Variants in ARFIP1 observed in about 807,000 individuals in gnomAD.
ARFIP1 encodes the protein arfaptin-1.
Under a neutral mutation model 42.5 loss-of-function variants are expected in ARFIP1, and 24 were observed. That is an observed-to-expected ratio of 0.57 (90% CI 0.41 to 0.80). The LOEUF (loss-of-function observed/expected upper bound fraction) is 0.80, where lower values mean the gene tolerates loss of function less well. ARFIP1 is among the 30% of genes least tolerant of loss of function. The pLI is 0.00. For synonymous variants in ARFIP1, 141 were observed against 153.7 expected, an observed-to-expected ratio of 0.92 and a Z score of 0.61; for missense variants, 354 against 434.0, an observed-to-expected ratio of 0.82 and a Z score of 1.64.
chr4:152,887,643 G>T (rs1736373899), intron 7 of ARFIP1, among the ~76,000 whole-genome samples: 1 of 151,976 alleles, frequency 6.6e-6, no homozygotes. Context: ...TTATTTCATT[G>T]TAACTACTAG....
At chr4:152,848,928 A>G (rs911399294) in intron 2 of ARFIP1, among the ~76,000 whole-genome samples, 1 of 152,202 alleles carries the variant, frequency 6.6e-6, no homozygotes, top group Non-Finnish European at 1.5e-5. Context: ...AGCTCGGTCA[A>G]TGGCAATAAT....
intron 2 of ARFIP1, among the ~76,000 whole-genome samples, chr4:152,837,848 G>A (rs1731777076): frequency 6.6e-6 from 1 of 152,128 alleles, no homozygotes; most frequent in African/African-American, 2.4e-5. Flanking sequence ...TGAAATCCTT[G>A]CCTAAGCCAG....
intron 2 of ARFIP1, among the ~76,000 whole-genome samples, chr4:152,854,252 A>G (rs1388741472): frequency 1.3e-5 from 2 of 152,084 alleles, no homozygotes; most frequent in African/African-American, 4.8e-5. Context: ...CTAGTCTATT[A>G]TTGAAGTTTT....
chr4:152,883,649 C>G (rs1444119639), intron 7 of ARFIP1, among the ~76,000 whole-genome samples: 1 of 150,950 alleles, frequency 6.6e-6, no homozygotes, highest in Non-Finnish European at 1.5e-5. Context: ...TACAGTTTCC[C>G]TGTCTCATAA....
intron 1 of ARFIP1, among the ~76,000 whole-genome samples, chr4:152,806,007 A>C (rs1023629115): frequency 5.9e-5 from 9 of 152,258 alleles, no homozygotes; most frequent in African/African-American, 2.2e-4. Flanking sequence ...AAAATAAGGA[A>C]ATATACATCA....
At chr4:152,794,562 C>G (rs1731323632) in intron 1 of ARFIP1, among the ~76,000 whole-genome samples, 1 of 152,092 alleles carries the variant, frequency 6.6e-6, no homozygotes, top group African/African-American at 2.4e-5. Flanking sequence ...CTATCTTTCC[C>G]TTTTTAGTTG....
At chr4:152,784,852 G>C (rs1730707377) in intron 1 of ARFIP1, among the ~76,000 whole-genome samples, 1 of 152,196 alleles carries the variant, frequency 6.6e-6, no homozygotes, top group Admixed American at 6.5e-5. Context: ...TTTTATTTTT[G>C]TATATCTGTG....
intron 1 of ARFIP1, among the ~76,000 whole-genome samples, chr4:152,825,913 A>G (rs1388761425): frequency 6.6e-6 from 1 of 152,224 alleles, no homozygotes. Context: ...AATGTTCAAC[A>G]TCACTAATCT....
At chr4:152,848,877 A>C (rs747439371) in intron 2 of ARFIP1, among the ~76,000 whole-genome samples, 1 of 152,208 alleles carries the variant, frequency 6.6e-6, no homozygotes, top group East Asian at 1.9e-4. Flanking sequence ...ATAGGAATGC[A>C]ATATAATGTT....
At chr4:152,888,071 C>A in intron 7 of ARFIP1, 62 bp from the exon 8 acceptor site, 1 of 1,373,280 alleles carries the variant, frequency 7.3e-7, no homozygotes. Context: ...GTATTTCCAA[C>A]CCATTTTTTG....
At chr4:152,865,464 G>A (rs80067979) in intron 3 of ARFIP1, among the ~76,000 whole-genome samples, 2,129 of 152,110 alleles carry the variant, frequency 0.014, 49 homozygotes, top group African/African-American at 0.048. Flanking sequence ...TTGTACAGTT[G>A]GCCAATACTT....
intron 2 of ARFIP1, among the ~76,000 whole-genome samples, chr4:152,834,459 A>G (rs957466670): frequency 6.6e-6 from 1 of 152,230 alleles, no homozygotes; most frequent in Non-Finnish European, 1.5e-5. Flanking sequence ...CCAAGATACA[A>G]TGGTAGTACC....
At chr4:152,799,705 A>G (rs994323213) in intron 1 of ARFIP1, among the ~76,000 whole-genome samples, 1 of 152,110 alleles carries the variant, frequency 6.6e-6, no homozygotes, top group South Asian at 2.1e-4. Flanking sequence ...CATGGATTTG[A>G]TTTTTTAAGA....
At chr4:152,833,810 C>A (rs1731436252) in intron 2 of ARFIP1, among the ~76,000 whole-genome samples, 1 of 152,160 alleles carries the variant, frequency 6.6e-6, no homozygotes, top group South Asian at 2.1e-4. Context: ...TCTGTACTTA[C>A]ATGTGGAATC....
At chr4:152,842,880 G>T (rs979345270) in intron 2 of ARFIP1, among the ~76,000 whole-genome samples, 1 of 151,470 alleles carries the variant, frequency 6.6e-6, no homozygotes, top group South Asian at 2.1e-4. Flanking sequence ...GTCCCTCCCT[G>T]GTTAGCTTAA....
chr4:152,859,688 C>T (rs1424627823), intron 2 of ARFIP1, among the ~76,000 whole-genome samples: 1 of 151,940 alleles, frequency 6.6e-6, no homozygotes, highest in African/African-American at 2.4e-5. Context: ...CTGTATATTC[C>T]TTACTTTTTG....
intron 8 of ARFIP1, among the ~76,000 whole-genome samples, chr4:152,901,992 T>A (rs1737876630): frequency 6.6e-6 from 1 of 152,222 alleles, no homozygotes; most frequent in Non-Finnish European, 1.5e-5. Context: ...TGCCCTTTCT[T>A]GTCTGTTTCA....
At chr4:152,880,797 A>G (rs2149891553) in intron 5 of ARFIP1, among the ~76,000 whole-genome samples, 166 bp from the exon 6 acceptor site, 1 of 152,328 alleles carries the variant, frequency 6.6e-6, no homozygotes, top group East Asian at 1.9e-4. Flanking sequence ...TATTAGACAC[A>G]TCTGGTGAAT....
At chr4:152,806,800 CTTT>C (rs33959288) in intron 1 of ARFIP1, among the ~76,000 whole-genome samples, 53 of 149,272 alleles carry the variant, frequency 3.6e-4, no homozygotes, top group Admixed American at 5.3e-4. Context: ...TTGTGCCTGA[CTTT>C]TTTTTTTTTA....
Sources: allele counts gnomAD v4.1 joint callset (sites outside exome capture counted in the v4.1 genomes callset), GRCh38; gene constraint gnomAD v4.1.1; transcripts MANE v1.5; gene names NCBI Gene and HGNC (gene_info 2026-07-23, HGNC 2026-07-21).